Variants in PRIM2 observed in about 807,000 individuals in gnomAD.
PRIM2 encodes the protein DNA primase subunit 2.
Under a neutral mutation model 67.3 loss-of-function variants are expected in PRIM2, and 39 were observed. That is an observed-to-expected ratio of 0.58 (90% confidence interval 0.45 to 0.76). The LOEUF is 0.76. Ranked by LOEUF, PRIM2 falls within the 30% of genes least tolerant of loss-of-function variation. The probability of loss-of-function intolerance (pLI) is 0.00; values close to 1 mark genes in which losing one functional copy is unlikely to be tolerated. For missense variants in PRIM2, 398 were observed against 598.7 expected (o/e 0.66, Z 3.50); for synonymous variants, 143 against 198.7 (o/e 0.72, Z 2.36).
At chr6:57,298,874 C>G in the PRIM2 span, among the ~76,000 whole-genome samples, 1 of 152,080 alleles carries the variant, frequency 6.6e-6, no homozygotes, top group South Asian at 2.1e-4. Context: ...TCTCTGCCGG[C>G]CTTGCTTTTC....
chr6:57,235,724 T>C, the PRIM2 span, among the ~76,000 whole-genome samples: 20 of 152,078 alleles, frequency 1.3e-4, 1 homozygote, highest in Admixed American at 4.6e-4. Context: ...ATTATCCAAG[T>C]GGGCCCAGTG....
the PRIM2 span, among the ~76,000 whole-genome samples, chr6:57,223,275 C>A: frequency 6.6e-6 from 1 of 152,046 alleles, no homozygotes; most frequent in Admixed American, 6.6e-5. Context: ...ATAATGGTTA[C>A]CTTGGTGGGC....
At position 57,320,392 on chromosome 6, in the gene PRIM2, A is replaced by G. The variant is rs1767613205; in HGVS notation, c.155-65A>G. On this transcript the variant is annotated intron_variant, in intron 2 of 13. Coordinates refer to ENST00000615550, the MANE Select transcript of PRIM2 (RefSeq NM_000947.5). ...AAGTAATTATGGAATTGCCCTCCATAGATTTTGTCTTGGATTTAGTTTTAA... is the reference window on the plus strand; with the variant it reads ...AAGTAATTATGGAATTGCCCTCCATGGATTTTGTCTTGGATTTAGTTTTAA... 3 of 1,138,052 alleles carry G rather than the reference A, an allele frequency of 2.6e-6. No individual in the cohort carries two copies. The East Asian group carries it at 7.8e-5, about 29-fold the overall frequency. The allele number at this position is 1,138,052 out of a possible 1,614,324, so 70.5% of individuals were successfully genotyped here.
At chr6:57,375,074 A>G (rs1327257796) in intron 5 of PRIM2, among the ~76,000 whole-genome samples, 4 of 152,240 alleles carry the variant, frequency 2.6e-5, no homozygotes, top group Non-Finnish European at 4.4e-5. Context: ...CTCTTGCCTG[A>G]TTGCCTTAGC....
chr6:57,374,140 A>C (rs7740140), intron 5 of PRIM2, among the ~76,000 whole-genome samples: 2 of 148,982 alleles, frequency 1.3e-5, no homozygotes, highest in Non-Finnish European at 3.0e-5. Flanking sequence ...TGGTTTGTAG[A>C]TCTCCTTGAA....
chr6:57,576,602 A>C (rs1775967892), intron 10 of PRIM2, among the ~76,000 whole-genome samples: 1 of 151,370 alleles, frequency 6.6e-6, no homozygotes, highest in East Asian at 1.9e-4. Flanking sequence ...ATCGTCATTC[A>C]CAAAATGAAG....
In PRIM2 at chr6:57,601,150, A is replaced by G. The variant is rs1776456398; in HGVS notation, c.1078A>G (p.Thr360Ala). The G allele has an allele frequency of 6.2e-7, 1 of 1,613,010 alleles. No individual in the cohort carries two copies. Among genetic ancestry groups the G allele is most frequent in the African/African-American group, 1.3e-5 (1 of 75,042 alleles). ...CAGCTTTGGAAAGGAAGGCAAGAGG[A>G]CAGACTATACACCTTTCAGTTGCCT... ...RHSFGKEGKR[T>A]DYTPFSCLKI... Residue 360 changes from threonine to alanine, a missense_variant, in exon 11 of 14, where the codon ACA (threonine) becomes GCA (alanine). By Grantham distance (58) the Thr-to-Ala change is moderately conservative. Transcript: ENST00000615550.
intron 7 of PRIM2, among the ~76,000 whole-genome samples, chr6:57,478,334 T>C (rs1257834531): frequency 7.9e-6 from 1 of 126,996 alleles, no homozygotes; most frequent in Non-Finnish European, 1.6e-5. Context: ...GTGTTTTTTT[T>C]TTGTTTTTTT....
chr6:57,641,421 G>A (rs1458962186), intron 13 of PRIM2, among the ~76,000 whole-genome samples: 5 of 152,072 alleles, frequency 3.3e-5, no homozygotes, highest in African/African-American at 7.2e-5. Flanking sequence ...CTTTTGCACC[G>A]CAAAAGAAAC....
chr6:57,633,714 C>T (rs1333989652), intron 13 of PRIM2, among the ~76,000 whole-genome samples: 32 of 152,176 alleles, frequency 2.1e-4, no homozygotes, highest in African/African-American at 6.3e-4. Flanking sequence ...ACGAGAAGCA[C>T]GCAACCTAGA....
At chr6:57,565,959 G>C (rs1178571900) in intron 10 of PRIM2, among the ~76,000 whole-genome samples, 2 of 152,020 alleles carry the variant, frequency 1.3e-5, no homozygotes, top group African/African-American at 4.8e-5. Context: ...TGGTTTGTTT[G>C]AACTAGGATT....
At chr6:57,382,786 GT>G (rs1206211947) in intron 7 of PRIM2, 1 of 152,160 alleles carries the variant, frequency 6.6e-6, no homozygotes, top group African/African-American at 2.4e-5. Context: ...ATCTGAGTCA[GT>G]TTTTAATACT....
At chr6:57,549,437 T>C (rs2127474407) in intron 10 of PRIM2, among the ~76,000 whole-genome samples, 1 of 152,070 alleles carries the variant, frequency 6.6e-6, no homozygotes, top group East Asian at 1.9e-4. Flanking sequence ...AGACTTAGTG[T>C]TTAGGTTGAC....
intron 7 of PRIM2, among the ~76,000 whole-genome samples, chr6:57,388,006 A>G (rs1441732574): frequency 6.6e-6 from 1 of 152,130 alleles, no homozygotes; most frequent in Non-Finnish European, 1.5e-5. Flanking sequence ...AAAGGCCCCC[A>G]AAGGGAGGAA....
At chr6:57,390,566 A>T (rs1265530512) in intron 7 of PRIM2, among the ~76,000 whole-genome samples, 3 of 151,890 alleles carry the variant, frequency 2.0e-5, no homozygotes, top group Admixed American at 6.6e-5. Context: ...GGTAGACCCC[A>T]GTGTCTGTTG....
the PRIM2 span, among the ~76,000 whole-genome samples, chr6:57,295,537 G>T: frequency 6.6e-6 from 1 of 152,176 alleles, no homozygotes; most frequent in African/African-American, 2.4e-5. Context: ...GCATGTTGTG[G>T]TTTAATGAAT....
chr6:57,280,418 A>G, the PRIM2 span, among the ~76,000 whole-genome samples: 1 of 152,068 alleles, frequency 6.6e-6, no homozygotes, highest in South Asian at 2.1e-4. Flanking sequence ...TAATTTTGAA[A>G]TAATTTTAGA....
the PRIM2 span, among the ~76,000 whole-genome samples, chr6:57,271,634 C>A: frequency 6.6e-6 from 1 of 152,156 alleles, no homozygotes; most frequent in African/African-American, 2.4e-5. Flanking sequence ...TCCTTCAGTT[C>A]TGCCCTGATC....
At chr6:57,477,049 A>G (rs1773493770) in intron 7 of PRIM2, among the ~76,000 whole-genome samples, 1 of 152,258 alleles carries the variant, frequency 6.6e-6, no homozygotes, top group African/African-American at 2.4e-5. Flanking sequence ...GGATTGCAGT[A>G]GCGTGACCAC....
Sources: allele counts gnomAD v4.1 joint callset (sites outside exome capture counted in the v4.1 genomes callset), GRCh38; gene constraint gnomAD v4.1.1; transcripts MANE v1.5; gene names NCBI Gene and HGNC (gene_info 2026-07-23, HGNC 2026-07-21).